Variants in A2ML1 observed in about 807,000 individuals in gnomAD.
A2ML1 encodes the protein alpha-2-macroglobulin-like protein 1.
Under a neutral mutation model 181.9 loss-of-function variants are expected in A2ML1, and 161 were observed. The ratio of observed to expected loss-of-function variants is 0.89; its 90% confidence interval spans 0.78 to 1.01. The LOEUF (loss-of-function observed/expected upper bound fraction) is 1.01. A2ML1 is among the 50% of genes least tolerant of loss of function. The probability of loss-of-function intolerance (pLI) is 0.00; values close to 1 mark genes in which losing one functional copy is unlikely to be tolerated. For missense variants in A2ML1, 1,670 were observed against 1,768.1 expected (o/e 0.94, Z 1.00); for synonymous variants, 663 against 666.8 (o/e 0.99, Z 0.09).
intron 4 of A2ML1, among the ~76,000 whole-genome samples, chr12:8,833,645 C>T (rs1346525406): frequency 6.6e-6 from 1 of 152,114 alleles, no homozygotes; most frequent in African/African-American, 2.4e-5. Context: ...ATCCAACCGC[C>T]ACAGCCTCCC....
At chr12:8,838,025 G>A (rs1475330433) in intron 8 of A2ML1, among the ~76,000 whole-genome samples, 1 of 152,136 alleles carries the variant, frequency 6.6e-6, no homozygotes, top group African/African-American at 2.4e-5. Context: ...AACAAAGCAG[G>A]GATCTTTATC....
rs184332541 is a variant in A2ML1 at position 8,827,642 on chromosome 12, C to T, written c.410-2085C>T. Among the ~76,000 whole-genome samples, 479 of 152,254 alleles carry T rather than the reference C, an allele frequency of 3.1e-3. 2 individuals are homozygous for T. Among genetic ancestry groups the T allele is most frequent in the African/African-American group, 0.011 (468 of 41,548 alleles). On this transcript the variant is annotated intron_variant, in intron 3 of 35. Transcript: ENST00000299698. The stretch of plus-strand genomic sequence containing the variant: ...CATCTGGTGAGGTAATTTTTTCCAA[C>T]ATGGTCTTGATGTGGATGTTCATTG...
intron 26 of A2ML1, 127 bp downstream of exon 26, chr12:8,858,229 G>A: frequency 8.5e-7 from 1 of 1,177,288 alleles, no homozygotes; most frequent in Non-Finnish European, 1.2e-6. Flanking sequence ...GTGGCTCTGG[G>A]TGACCGTGAT....
intron 7 of A2ML1, 91 bp from the exon 8 acceptor site, chr12:8,837,349 G>T: frequency 1.9e-6 from 3 of 1,542,216 alleles, no homozygotes; most frequent in South Asian, 1.1e-5. Flanking sequence ...TCAGAGGCTG[G>T]AGTGTGAGAG....
chr12:8,839,674 C>T (rs1943402128), intron 10 of A2ML1, among the ~76,000 whole-genome samples: 2 of 152,150 alleles, frequency 1.3e-5, no homozygotes, highest in South Asian at 2.1e-4. Flanking sequence ...TGCATCTAGG[C>T]AAGGTTAATA....
chr12:8,836,550 C>T (rs750845023), intron 7 of A2ML1, among the ~76,000 whole-genome samples: 4 of 144,320 alleles, frequency 2.8e-5, no homozygotes, highest in Admixed American at 7.2e-5. Flanking sequence ...ATCACGTGAT[C>T]TCGGCTCACT....
At chr12:8,882,551 A>G (rs73047865) in intron 7 of A2ML1, among the ~76,000 whole-genome samples, 5,734 of 152,250 alleles carry the variant, frequency 0.038, 119 homozygotes, top group Non-Finnish European at 0.049. Flanking sequence ...TGCCCCTTCT[A>G]TGTCAGAACA....
At chr12:8,846,839 T>G (rs1264661627) in intron 14 of A2ML1, among the ~76,000 whole-genome samples, 3 of 149,588 alleles carry the variant, frequency 2.0e-5, no homozygotes, top group African/African-American at 7.4e-5. Flanking sequence ...TAGTTGAGTG[T>G]GGTGATGCAT....
At position 8,822,691 on chromosome 12, in the gene A2ML1, C is replaced by G. The variant is rs748510519; in HGVS notation, c.40C>G (p.Pro14Ala). The change falls in exon 1 of 36, where the codon CCA becomes GCA. Residue 14 changes from proline (P) to alanine (A), a missense_variant. Coordinates refer to ENST00000299698, the MANE Select transcript of A2ML1 (RefSeq NM_144670.6). ...CCTTCTAGGAATGTTGGCCCTATCA[C>G]CAGCCATTGCAGAAGAACTTCCGTG... ...QLLLGMLALS[P>A]AIAEELPNYL... 2.5e-6 allele frequency: 4 copies of G among 1,614,142 alleles called. No homozygotes were observed. The highest frequency in any genetic ancestry group is 1.6e-4 in the Middle Eastern group (1 of 6,062).
At chr12:8,827,851 T>C (rs931678598) in intron 3 of A2ML1, among the ~76,000 whole-genome samples, 25 of 152,240 alleles carry the variant, frequency 1.6e-4, no homozygotes, top group African/African-American at 5.5e-4. Flanking sequence ...TCTGTGGCTC[T>C]TGAAGGCTCA....
At chr12:8,885,989 C>A (rs987173970) in intron 7 of A2ML1, among the ~76,000 whole-genome samples, 1 of 146,666 alleles carries the variant, frequency 6.8e-6, no homozygotes, top group African/African-American at 2.5e-5. Context: ...TTGTTTACTT[C>A]GCCTATCCTT....
At chr12:8,884,839 T>A (rs1313537969) in intron 7 of A2ML1, among the ~76,000 whole-genome samples, 1 of 152,252 alleles carries the variant, frequency 6.6e-6, no homozygotes, top group Non-Finnish European at 1.5e-5. Context: ...CATGTTCCCA[T>A]GAAAAACATG....
chr12:8,845,568 C>T, intron 13 of A2ML1, 66 bp downstream of exon 13: 1 of 1,561,796 alleles, frequency 6.4e-7, no homozygotes, highest in South Asian at 1.1e-5. Flanking sequence ...CAATTCTTGG[C>T]CAGGCGCGGT....
In A2ML1 at chr12:8,868,303, C is replaced by T. The variant is rs753233666; in HGVS notation, c.4007C>T (p.Ala1336Val). 6.2e-7 allele frequency: 1 copy of T among 1,613,950 alleles called. No homozygotes were observed. Among genetic ancestry groups the T allele is most frequent in the African/African-American group, 1.3e-5 (1 of 75,036 alleles). Residue 1336 changes from alanine to valine, a missense_variant, in exon 31 of 36, where the codon GCT becomes GTT. Coordinates refer to ENST00000299698, the MANE Select transcript of A2ML1 (RefSeq NM_144670.6). ...AGTCTTAGTGTGGAAATAGGAAAAG[C>T]TAGATGTGAGCAACCGACTTCACCT... ...TFSLSVEIGK[A>V]RCEQPTSPRS...
Position 8,852,541 on chromosome 12 carries a change from A to C in A2ML1, c.2590+205A>C, listed in dbSNP as rs1287627486. Reference sequence around the variant, plus strand: ...AATTTGTTCAAACCGGAATATTTTGAGTGTGAAAGGGAGAGCTTTTAATAT... The same window carrying C: ...AATTTGTTCAAACCGGAATATTTTGCGTGTGAAAGGGAGAGCTTTTAATAT... On this transcript the variant is annotated intron_variant, in intron 20 of 35. Transcript: ENST00000299698. The surrounding 1 kb of genome is among the most constrained non-coding windows in gnomAD (Gnocchi z 4.2). Among the ~76,000 whole-genome samples the C allele has an allele frequency of 1.3e-5, 2 of 152,176 alleles. No homozygotes were observed. The highest frequency in any genetic ancestry group is 1.5e-5 in the Non-Finnish European group (1 of 68,018).
intron 9 of A2ML1, among the ~76,000 whole-genome samples, 163 bp from the exon 10 acceptor site, chr12:8,838,950 A>T (rs957827994): frequency 6.6e-6 from 1 of 151,482 alleles, no homozygotes; most frequent in Non-Finnish European, 1.5e-5. Context: ...GAAATACTAC[A>T]TACTTCTCCA....
At position 8,851,893 on chromosome 12, in the gene A2ML1, G is replaced by A. The variant is rs774189555; in HGVS notation, c.2344G>A (p.Val782Ile). ...AAGAGGCTTCGGGCTTTCACCCACT[G>A]TTGGACTAACTGCTTTCAAGCCGTT... is the stretch of plus-strand genomic sequence containing the variant. The part of the protein sequence containing the change: ...QSRGFGLSPT[V>I]GLTAFKPFFV... The change falls in exon 19 of 36, where the codon GTT (valine) becomes ATT (isoleucine). Residue 782 changes from valine (V) to isoleucine (I), a missense_variant. Transcript: ENST00000299698. 1.7e-5 allele frequency: 27 copies of A among 1,614,188 alleles called. No homozygotes were observed. Among genetic ancestry groups the A allele is most frequent in the Non-Finnish European group, 2.2e-5 (26 of 1,180,036 alleles).
Position 8,866,945 on chromosome 12 carries a change from G to A in A2ML1, c.3718-897G>A, listed in dbSNP as rs772582659. ...TTTTCTTTCCCCTTGTAATTTATAT[G>A]AATTATGTTTTCAGAATGAAACAGT... is the stretch of plus-strand genomic sequence containing the variant. On this transcript the variant is annotated intron_variant, in intron 29 of 35. Coordinates refer to ENST00000299698, the MANE Select transcript of A2ML1 (RefSeq NM_144670.6). Among the ~76,000 whole-genome samples, 305 of 152,082 alleles carry A rather than the reference G, an allele frequency of 2.0e-3. 2 individuals carry two copies. The highest frequency in any genetic ancestry group is 6.6e-3 in the African/African-American group (273 of 41,472).
At chr12:8,846,665 G>C (rs1943696307) in intron 14 of A2ML1, among the ~76,000 whole-genome samples, 1 of 152,054 alleles carries the variant, frequency 6.6e-6, no homozygotes, top group Admixed American at 6.5e-5. Flanking sequence ...ACAAAAATTA[G>C]CCAAGCATGG....
Sources: allele counts gnomAD v4.1 joint callset (sites outside exome capture counted in the v4.1 genomes callset), GRCh38; gene constraint gnomAD v4.1.1; non-coding constraint Gnocchi (gnomAD v3.1); transcripts MANE v1.5; gene names NCBI Gene and HGNC (gene_info 2026-07-23, HGNC 2026-07-21).